Variants in EHMT1 observed in about 807,000 individuals in gnomAD.
The protein encoded by EHMT1 is euchromatic histone lysine methyltransferase 1, also known as histone-lysine N-methyltransferase EHMT1.
A neutral mutation model predicts 147.2 loss-of-function variants in EHMT1; 15 were observed. That is an observed-to-expected ratio of 0.10 (90% CI 0.07 to 0.16). EHMT1 has a LOEUF of 0.16. EHMT1 is among the 10% of genes least tolerant of loss of function. EHMT1 has a pLI of 1.00. For synonymous variants in EHMT1, 795 were observed against 709.6 expected, an observed-to-expected ratio of 1.12 and a Z score of -1.91; for missense variants, 1,587 against 1,772.4, an observed-to-expected ratio of 0.90 and a Z score of 1.88.
In EHMT1 at chr9:137,710,987, G is replaced by T; in HGVS notation, c.42G>T (p.Glu14Asp). The T allele has an allele frequency of 6.3e-7, 1 of 1,598,740 alleles. No homozygotes were observed. Among genetic ancestry groups the T allele is most frequent in the East Asian group, 2.3e-5 (1 of 44,286 alleles). ...AACAGGCAGTTCCGGCGAGGGGGGA[G>T]CCTCAGCAGGATTGCTGTGTGAAAA... Reference protein sequence around the residue: ...ADAEAVPARGEPQQDCCVKTE... With the variant: ...ADAEAVPARGDPQQDCCVKTE... The change falls in exon 2 of 27, where the codon GAG becomes GAT. Residue 14 changes from glutamate (E) to aspartate (D), a missense_variant. This residue lies in a region of EHMT1 where 810 missense variants were observed against 673.0 expected (regional missense o/e 1.20). Transcript: ENST00000460843.
intron 1 of EHMT1, among the ~76,000 whole-genome samples, chr9:137,632,151 G>T (rs556867762): frequency 1.3e-5 from 2 of 152,188 alleles, no homozygotes; most frequent in African/African-American, 4.8e-5. Flanking sequence ...GCATATCTCC[G>T]AATGTATCCC....
At position 137,759,666 on chromosome 9, in the gene EHMT1, C is replaced by T. The variant is rs1588562262; in HGVS notation, c.1501+1655C>T. ...TGATTTCCCTGTGTTTGATCAGCGC[C>T]GATTGGTCAGTCAGCGATTGGCCTG... On this transcript the variant is annotated intron_variant, in intron 9 of 26. Transcript: ENST00000460843. Among the ~76,000 whole-genome samples the T allele has an allele frequency of 4.6e-5, 7 of 152,298 alleles. No homozygotes were observed. In the East Asian group the frequency reaches 1.4e-3, roughly 29 times the overall value.
intron 4 of EHMT1, among the ~76,000 whole-genome samples, chr9:137,741,949 G>C (rs894236151): frequency 1.3e-5 from 2 of 152,218 alleles, no homozygotes; most frequent in African/African-American, 4.8e-5. Context: ...ATATCAAGAT[G>C]ATTATGATAG....
chr9:137,718,112 GTGA>G (rs759546162), intron 3 of EHMT1, among the ~76,000 whole-genome samples: 18 of 145,712 alleles, frequency 1.2e-4, no homozygotes, highest in Non-Finnish European at 2.5e-4. Context: ...CTCACGCACC[GTGA>G]TGATTTTCAC....
chr9:137,835,003 C>T lies in EHMT1; in HGVS notation c.*50C>T, dbSNP rs889415333. On this transcript the variant is annotated 3_prime_UTR_variant, in exon 27 of 27. Transcript: ENST00000460843. ...CGGGAGCCAGGGACCGCCGCGTCGC[C>T]GATTAGAGGACGAGGAGGAGAGATT... 5.9e-6 allele frequency: 8 copies of T among 1,362,470 alleles called. No individual in the cohort carries two copies. In the South Asian group the frequency reaches 1.2e-4, roughly 20 times the overall value. 84.4% of individuals were successfully genotyped at this position (1,362,470 alleles called of 1,614,324 possible).
chr9:137,806,391 TC>T (rs1338393775), intron 18 of EHMT1, among the ~76,000 whole-genome samples: 5 of 151,604 alleles, frequency 3.3e-5, no homozygotes, highest in African/African-American at 1.2e-4. Context: ...CTGGCCTCAC[TC>T]CCTTTACCTT....
rs544507726 is a variant in EHMT1 at position 137,775,457 on chromosome 9, C to T, written c.1791+205C>T. On this transcript the variant is annotated intron_variant, in intron 11 of 26. Coordinates refer to ENST00000460843, the MANE Select transcript of EHMT1 (RefSeq NM_024757.5). The surrounding 1 kb of genome is among the most constrained non-coding windows in gnomAD (Gnocchi z 6.1). ...GCCTTAGACACCTTCACCCCCAACC[C>T]CCATTTCCCTCCTACCGCCTGGAAA... Among the ~76,000 whole-genome samples the T allele has an allele frequency of 2.2e-3, 339 of 152,006 alleles. No homozygotes were observed. The highest frequency in any genetic ancestry group is 7.9e-3 in the African/African-American group (328 of 41,500).
At position 137,694,383 on chromosome 9, in the gene EHMT1, A is replaced by G. The variant is rs563868051; in HGVS notation, c.22-16584A>G. Among the ~76,000 whole-genome samples, 11 of 142,616 alleles carry G rather than the reference A, an allele frequency of 7.7e-5. No individual in the cohort carries two copies. The South Asian group carries it at 1.4e-3, about 18-fold the overall frequency. 93.6% of individuals were successfully genotyped at this position (142,616 alleles called of 152,430 possible). ...GCGATGGTGCTGGACTCTGGCCGAT[A>G]CCCCCCACACAGTGGCACAGGACAC... On this transcript the variant is annotated intron_variant, in intron 1 of 26. Transcript: ENST00000460843.
chr9:137,766,168 T>TA (rs1337593782), intron 10 of EHMT1, among the ~76,000 whole-genome samples: 3 of 152,188 alleles, frequency 2.0e-5, no homozygotes, highest in Non-Finnish European at 2.9e-5. Context: ...TAGCCCAAAA[T>TA]GAAGGGCCAT....
rs1954645006 is a variant in EHMT1 at position 137,813,323 on chromosome 9, G to A, written c.3036-63G>A. On this transcript the variant is annotated intron_variant, in intron 20 of 26. Coordinates refer to ENST00000460843, the MANE Select transcript of EHMT1 (RefSeq NM_024757.5). This position sits in a 1 kb window ranked among gnomAD's most constrained non-coding sequence, Gnocchi z 4.9. ...GTGTTTGCCAGCCGCCCCACTGCACGCTGTGCCACCCCCTGGGCAGAGCAC... is the reference window on the plus strand; with the variant it reads ...GTGTTTGCCAGCCGCCCCACTGCACACTGTGCCACCCCCTGGGCAGAGCAC... 8 of 1,576,426 alleles carry A rather than the reference G, an allele frequency of 5.1e-6. No homozygotes were observed. The highest frequency in any genetic ancestry group is 3.6e-5 in the Admixed American group (2 of 55,516).
chr9:137,687,915 G>C (rs1044643826), intron 1 of EHMT1, among the ~76,000 whole-genome samples: 1 of 152,216 alleles, frequency 6.6e-6, no homozygotes, highest in South Asian at 2.1e-4. Flanking sequence ...TCAACATGGG[G>C]CGTCTTTCTA....
intron 8 of EHMT1, among the ~76,000 whole-genome samples, chr9:137,755,026 A>C (rs1410456717): frequency 1.3e-5 from 2 of 152,226 alleles, no homozygotes; most frequent in Non-Finnish European, 2.9e-5. Flanking sequence ...CAAACCCAGA[A>C]GGGATGCAGC....
At chr9:137,809,969 C>G (rs55676822) in intron 18 of EHMT1, among the ~76,000 whole-genome samples, 1 of 109,584 alleles carries the variant, frequency 9.1e-6, no homozygotes, top group African/African-American at 6.9e-5. Flanking sequence ...TGTGGACCGT[C>G]GGTGATGGGT....
chr9:137,772,752 C>T (rs553684791), intron 10 of EHMT1, among the ~76,000 whole-genome samples: 2 of 152,354 alleles, frequency 1.3e-5, no homozygotes, highest in South Asian at 2.1e-4. Context: ...GTCGGTGAAT[C>T]TGTACTCTGC....
chr9:137,715,899 C>T (rs959016843), intron 2 of EHMT1: 23 of 921,174 alleles, frequency 2.5e-5, no homozygotes, highest in South Asian at 1.5e-4. Context: ...TAACGTTCAA[C>T]GTTAATGCTT....
chr9:137,653,456 G>C (rs1219811025), intron 1 of EHMT1, among the ~76,000 whole-genome samples: 1 of 152,176 alleles, frequency 6.6e-6, no homozygotes. Context: ...TCGTAGTTAA[G>C]TGATGCATGG....
chr9:137,745,630 C>T, intron 6 of EHMT1: 1 of 398,452 alleles, frequency 2.5e-6, no homozygotes, highest in Non-Finnish European at 4.4e-6. Context: ...AAGCAGCTAC[C>T]CCAGCAGCTG....
intron 1 of EHMT1, among the ~76,000 whole-genome samples, chr9:137,669,083 C>T (rs1238649384): frequency 6.6e-6 from 1 of 152,172 alleles, no homozygotes; most frequent in Non-Finnish European, 1.5e-5. Context: ...GACGGGGTTT[C>T]ACCATGTTGG....
intron 1 of EHMT1, among the ~76,000 whole-genome samples, chr9:137,655,764 G>C (rs1290826199): frequency 2.0e-5 from 3 of 152,134 alleles, no homozygotes; most frequent in Non-Finnish European, 4.4e-5. Context: ...AGTGATCTGG[G>C]TCGCGTGCTC....
Sources: gnomAD v4.1 joint callset for allele counts (sites outside exome capture counted in the v4.1 genomes callset) on GRCh38, gnomAD v4.1.1 for gene constraint, gnomAD v4.1.1 regional missense constraint, Gnocchi (gnomAD v3.1) non-coding constraint, MANE v1.5 for transcripts, NCBI Gene and HGNC (gene_info 2026-07-23, HGNC 2026-07-21) for gene names.